Variants in ULK4 observed in about 807,000 individuals in gnomAD.
ULK4 encodes the protein inactive serine/threonine-protein kinase ULK4.
Under a neutral mutation model 160.6 loss-of-function variants are expected in ULK4, and 133 were observed. The ratio of observed to expected loss-of-function variants is 0.83; its 90% CI spans 0.72 to 0.96. The LOEUF (loss-of-function observed/expected upper bound fraction) is 0.96. Ranked by LOEUF, ULK4 falls within the 40% of genes least tolerant of loss-of-function variation. The probability of loss-of-function intolerance (pLI) is 0.00; values close to 1 mark genes in which losing one functional copy is unlikely to be tolerated. For synonymous variants in ULK4, 534 were observed against 539.8 expected, an observed-to-expected ratio of 0.99 and a Z score of 0.15; for missense variants, 1,580 against 1,499.5, an observed-to-expected ratio of 1.05 and a Z score of -0.89.
chr3:41,415,637 G>A (rs2082508572), intron 34 of ULK4, among the ~76,000 whole-genome samples: 1 of 152,126 alleles, frequency 6.6e-6, no homozygotes, highest in East Asian at 1.9e-4. Context: ...CACCTCCTAA[G>A]AGAGTTCTTC....
At chr3:41,893,371 T>C (rs1299452362) in intron 16 of ULK4, among the ~76,000 whole-genome samples, 1 of 152,210 alleles carries the variant, frequency 6.6e-6, no homozygotes, top group African/African-American at 2.4e-5. Flanking sequence ...TACCTCAAAG[T>C]TGACTGGCAA....
Position 41,901,218 on chromosome 3 carries a change from C to T in ULK4, c.1183-389G>A, listed in dbSNP as rs1698346596. Among the ~76,000 whole-genome samples, 3 of 140,832 alleles carry T rather than the reference C, an allele frequency of 2.1e-5. No individual in the cohort carries two copies. The South Asian group carries it at 6.7e-4, about 31-fold the overall frequency. 92.4% of individuals were successfully genotyped at this position (140,832 alleles called of 152,430 possible). A position where few individuals can be genotyped will look rare whatever the true frequency, so the allele number is the denominator to read the frequency against. ...TTTTTGAGGCGGAGTCTCGCTCTGT[C>T]CCCCAGGCTGGAGTACAGTAGCGTG... is the stretch of plus-strand genomic sequence containing the variant. On this transcript the variant is annotated intron_variant, in intron 12 of 36. Transcript: ENST00000301831.
chr3:41,649,815 C>T (rs1419848952), intron 30 of ULK4, among the ~76,000 whole-genome samples: 1 of 152,230 alleles, frequency 6.6e-6, no homozygotes, highest in African/African-American at 2.4e-5. Context: ...GAAACTCCAC[C>T]TTCAAGCCAG....
intron 19 of ULK4, among the ~76,000 whole-genome samples, chr3:41,800,908 C>T (rs1205549314): frequency 2.0e-5 from 3 of 152,080 alleles, no homozygotes; most frequent in African/African-American, 7.2e-5. Flanking sequence ...CAAGGAAAAG[C>T]CCAGAAGTAC....
chr3:41,431,547 C>CTTTTTTTTTTTTTTTTTTTTTTT (rs1553664758), intron 34 of ULK4, among the ~76,000 whole-genome samples: 1,919 of 95,436 alleles, frequency 0.02, 215 homozygotes, highest in East Asian at 0.052. Context: ...AATTCCCTCC[C>CTTTTTTTTTTTTTTTTTTTTTTT]TTTTTTTTTT....
chr3:41,507,009 T>C (rs1423063728), intron 32 of ULK4, among the ~76,000 whole-genome samples: 4 of 149,668 alleles, frequency 2.7e-5, no homozygotes, highest in African/African-American at 7.4e-5. Flanking sequence ...TATATACACA[T>C]ACATATGTAC....
intron 17 of ULK4, among the ~76,000 whole-genome samples, chr3:41,874,864 T>C (rs1311703887): frequency 6.6e-6 from 1 of 152,184 alleles, no homozygotes; most frequent in East Asian, 1.9e-4. Flanking sequence ...ATAAAAAATA[T>C]ATATTAAAAA....
At chr3:41,696,966 G>A (rs997808301) in intron 27 of ULK4, among the ~76,000 whole-genome samples, 3 of 152,166 alleles carry the variant, frequency 2.0e-5, no homozygotes, top group African/African-American at 7.2e-5. Context: ...AAAAGGCAAG[G>A]AAGGAGATCC....
At chr3:41,750,862 C>T (rs573829118) in intron 22 of ULK4, among the ~76,000 whole-genome samples, 14 of 151,156 alleles carry the variant, frequency 9.3e-5, no homozygotes, top group African/African-American at 1.7e-4. Flanking sequence ...TGGTGGCGGG[C>T]GCCTGTAGTC....
chr3:41,651,220 C>G (rs2034727870), intron 30 of ULK4, among the ~76,000 whole-genome samples: 1 of 152,142 alleles, frequency 6.6e-6, no homozygotes, highest in Non-Finnish European at 1.5e-5. Context: ...CTTAAAGTCC[C>G]TGAAAATTGG....
chr3:41,446,843 G>A (rs138284160), intron 34 of ULK4, among the ~76,000 whole-genome samples: 4,343 of 151,678 alleles, frequency 0.029, 85 homozygotes, highest in Non-Finnish European at 0.042. Flanking sequence ...AAACCTGTAC[G>A]TTGTGCACAT....
intron 22 of ULK4, among the ~76,000 whole-genome samples, chr3:41,734,889 G>C (rs1266853499): frequency 1.3e-5 from 2 of 152,158 alleles, no homozygotes; most frequent in African/African-American, 4.8e-5. Context: ...ACACAAAAAG[G>C]AAAACGCTGA....
intron 21 of ULK4, among the ~76,000 whole-genome samples, chr3:41,764,390 T>C (rs145314506): frequency 4.1e-4 from 62 of 152,290 alleles, no homozygotes; most frequent in African/African-American, 1.3e-3. Context: ...TAGTTTCTAC[T>C]ATAATTACAG....
rs1699123081 is a variant in ULK4 at position 41,919,785 on chromosome 3, C to T, written c.575G>A (p.Arg192Lys). 1.2e-6 allele frequency: 2 copies of T among 1,613,942 alleles called. No homozygotes were observed. The highest frequency in any genetic ancestry group is 1.7e-6 in the Non-Finnish European group (2 of 1,179,974). Residue 192 changes from arginine (R) to lysine (K), a missense_variant, in exon 6 of 37, where the codon AGG (arginine) becomes AAG (lysine). By Grantham distance (26) the Arg-to-Lys change is conservative. Transcript: ENST00000301831. ...SPVYTAPEVV[R>K]GADFSISSDL... is the part of the protein sequence containing the mutation. Reference sequence around the variant, plus strand: ...ACTGGAGATGGAAAAGTCAGCACCCCTCACAACTTCTGGTGCTGTATATAC... The same window carrying T: ...ACTGGAGATGGAAAAGTCAGCACCCTTCACAACTTCTGGTGCTGTATATAC...
rs181869816 is a variant in ULK4 at position 41,690,430 on chromosome 3, A to G, written c.2782-8626T>C. On this transcript the variant is annotated intron_variant, in intron 27 of 36. Coordinates refer to ENST00000301831, the MANE Select transcript of ULK4 (RefSeq NM_017886.4). ...ACATTGTGCACATGTACCCTAAAGTATAATAATAATAAAATTAAAAAATAA... is the reference window on the plus strand; with the variant it reads ...ACATTGTGCACATGTACCCTAAAGTGTAATAATAATAAAATTAAAAAATAA... 6.8e-4 allele frequency among the ~76,000 whole-genome samples: 103 copies of G among 151,320 alleles called. 2 individuals are homozygous for G. Among genetic ancestry groups the G allele is most frequent in the Non-Finnish European group, 1.2e-3 (84 of 67,754 alleles).
chr3:41,297,151 A>G (rs554255699), intron 35 of ULK4, among the ~76,000 whole-genome samples: 4 of 152,150 alleles, frequency 2.6e-5, no homozygotes, highest in African/African-American at 9.6e-5. Context: ...GAGGGGCCCA[A>G]TTTCTCTCCC....
At chr3:41,326,957 T>C (rs1274496061) in intron 35 of ULK4, among the ~76,000 whole-genome samples, 3 of 152,220 alleles carry the variant, frequency 2.0e-5, no homozygotes, top group African/African-American at 7.2e-5. Flanking sequence ...CTTGACTAAA[T>C]GCAATCTCTT....
intron 35 of ULK4, among the ~76,000 whole-genome samples, chr3:41,333,993 GT>G (rs1285940893): frequency 6.6e-6 from 1 of 152,098 alleles, no homozygotes; most frequent in African/African-American, 2.4e-5. Flanking sequence ...ATTATAAGAT[GT>G]CAAGATCTTG....
chr3:41,702,130 ATTT>A (rs1350741069), intron 27 of ULK4, among the ~76,000 whole-genome samples: 1 of 152,116 alleles, frequency 6.6e-6, no homozygotes. Flanking sequence ...TAATTTTTTA[ATTT>A]TTTAATTATG....
Sources: allele counts gnomAD v4.1 joint callset (sites outside exome capture counted in the v4.1 genomes callset), GRCh38; gene constraint gnomAD v4.1.1; transcripts MANE v1.5; gene names NCBI Gene and HGNC (gene_info 2026-07-23, HGNC 2026-07-21).